The following DLG2 variants were observed in gnomAD, a reference collection of about 807,000 sequenced individuals.
DLG2 encodes the protein discs large MAGUK scaffold protein 2.
A neutral mutation model predicts 132.5 loss-of-function variants in DLG2; 45 were observed. The ratio of observed to expected loss-of-function variants is 0.34; its 90% CI spans 0.27 to 0.44. The LOEUF is 0.44. Among genes scored for constraint, DLG2 ranks in the 20% least tolerant of loss-of-function variants. The pLI is 1.00. For synonymous variants in DLG2, 424 were observed against 419.6 expected (o/e 1.01, Z -0.13); for missense variants, 1,045 against 1,196.9 (o/e 0.87, Z 1.87).
chr11:85,012,029 A>G (rs1160228994), intron 6 of DLG2, among the ~76,000 whole-genome samples: 1 of 152,180 alleles, frequency 6.6e-6, no homozygotes, highest in Non-Finnish European at 1.5e-5. Flanking sequence ...AGATCATTAA[A>G]ATACAATGTG....
intron 6 of DLG2, among the ~76,000 whole-genome samples, chr11:84,590,761 G>A (rs916356573): frequency 6.6e-6 from 1 of 152,198 alleles, no homozygotes; most frequent in East Asian, 1.9e-4. Context: ...ATATAGCTGT[G>A]AATAATGCAG....
chr11:85,071,708 A>C (rs1268378007), intron 6 of DLG2, among the ~76,000 whole-genome samples: 1 of 151,824 alleles, frequency 6.6e-6, no homozygotes, highest in Non-Finnish European at 1.5e-5. Flanking sequence ...TATCTTGAAA[A>C]AAATCAGGCA....
chr11:84,896,319 C>G (rs940387505), intron 6 of DLG2, among the ~76,000 whole-genome samples: 1 of 151,968 alleles, frequency 6.6e-6, no homozygotes, highest in African/African-American at 2.4e-5. Flanking sequence ...ATTTAGTGAA[C>G]CACCTACATG....
chr11:84,992,914 C>G (rs1476077652), intron 6 of DLG2, among the ~76,000 whole-genome samples: 1 of 152,138 alleles, frequency 6.6e-6, no homozygotes, highest in Non-Finnish European at 1.5e-5. Flanking sequence ...ACTCAGCAAT[C>G]CCATTACTAG....
At chr11:84,173,202 C>T (rs898345619) in intron 8 of DLG2, among the ~76,000 whole-genome samples, 2 of 152,204 alleles carry the variant, frequency 1.3e-5, no homozygotes, top group African/African-American at 4.8e-5. Flanking sequence ...AGTCCATTTT[C>T]TCTCAGCTTT....
intron 6 of DLG2, among the ~76,000 whole-genome samples, chr11:84,820,402 G>C (rs1191309724): frequency 6.6e-6 from 1 of 151,770 alleles, no homozygotes; most frequent in Non-Finnish European, 1.5e-5. Context: ...ATTGCTGCTG[G>C]AGTGCTTTTG....
At chr11:85,368,115 G>C (rs1206484977) in intron 3 of DLG2, among the ~76,000 whole-genome samples, 1 of 152,140 alleles carries the variant, frequency 6.6e-6, no homozygotes, top group African/African-American at 2.4e-5. Context: ...AACCCTACCT[G>C]AGTTTGTTTC....
intron 6 of DLG2, among the ~76,000 whole-genome samples, chr11:85,006,565 T>G (rs1048157580): frequency 3.3e-5 from 5 of 152,220 alleles, no homozygotes; most frequent in African/African-American, 1.2e-4. Context: ...GTGAGATCAG[T>G]GGTGATGTCC....
At chr11:84,354,102 G>A (rs978976016) in intron 7 of DLG2, among the ~76,000 whole-genome samples, 1 of 152,078 alleles carries the variant, frequency 6.6e-6, no homozygotes, top group Non-Finnish European at 1.5e-5. Flanking sequence ...AATTAATGAA[G>A]GTGTTGATTT....
chr11:83,467,778 TATATATATA>T (rs2091344190), intron 25 of DLG2, among the ~76,000 whole-genome samples: 1 of 44,994 alleles, frequency 2.2e-5, no homozygotes, highest in African/African-American at 1.5e-4. Context: ...TATGTATATA[TATATATATA>T]TATATATATA....
chr11:85,053,126 A>G (rs2063066074), intron 6 of DLG2, among the ~76,000 whole-genome samples: 1 of 152,174 alleles, frequency 6.6e-6, no homozygotes, highest in Admixed American at 6.5e-5. Flanking sequence ...ATCGACTATA[A>G]GGAAGGCACT....
intron 6 of DLG2, among the ~76,000 whole-genome samples, chr11:84,857,100 A>C (rs1180088982): frequency 1.3e-5 from 2 of 151,576 alleles, no homozygotes; most frequent in Non-Finnish European, 2.9e-5. Context: ...CCAAATAAAA[A>C]TACCAACTTT....
rs189316775 is a variant in DLG2, at chr11:84,728,192, T to A, written c.358-193461A>T. Among the ~76,000 whole-genome samples, 75 of 152,278 alleles carry A rather than the reference T, an allele frequency of 4.9e-4. No individual in the cohort carries two copies. The East Asian group carries it at 0.012, about 25-fold the overall frequency. ...CAATTTTCAAAGGGAATGCTTCCAG[T>A]TTTTGCCCATTTAGTATGATATTGG... On this transcript the variant is annotated intron_variant, in intron 6 of 27. Transcript: ENST00000376104.
At chr11:83,714,140 T>C (rs1234944347) in intron 18 of DLG2, among the ~76,000 whole-genome samples, 2 of 152,092 alleles carry the variant, frequency 1.3e-5, no homozygotes, top group Non-Finnish European at 2.9e-5. Context: ...ATGTTAAGAA[T>C]AGAAACTACA....
intron 6 of DLG2, among the ~76,000 whole-genome samples, chr11:84,636,850 T>C (rs1439798322): frequency 6.6e-6 from 1 of 151,960 alleles, no homozygotes; most frequent in Non-Finnish European, 1.5e-5. Context: ...GGCACGATTT[T>C]GGCACACCAC....
chr11:85,564,101 T>G (rs907040049), intron 3 of DLG2, among the ~76,000 whole-genome samples: 1 of 152,040 alleles, frequency 6.6e-6, no homozygotes, highest in Non-Finnish European at 1.5e-5. Context: ...TTTCAAAAAG[T>G]TTTTTCCATT....
chr11:84,236,543 A>G (rs553074694), intron 8 of DLG2, among the ~76,000 whole-genome samples: 6 of 152,340 alleles, frequency 3.9e-5, no homozygotes, highest in African/African-American at 1.4e-4. Flanking sequence ...AATAAACCCA[A>G]TTACAACTCA....
chr11:85,169,818 G>C (rs1346759283), intron 4 of DLG2, among the ~76,000 whole-genome samples: 1 of 152,112 alleles, frequency 6.6e-6, no homozygotes, highest in Non-Finnish European at 1.5e-5. Flanking sequence ...CCTGTGCTTG[G>C]GAAGAGACAC....
chr11:84,686,906 G>C (rs2153718096), intron 6 of DLG2: 1 of 152,192 alleles, frequency 6.6e-6, no homozygotes, highest in Admixed American at 6.5e-5. Context: ...TGCTGAACAG[G>C]CCTGCAGTGG....
Sources: gnomAD v4.1 joint callset for allele counts (sites outside exome capture counted in the v4.1 genomes callset) on GRCh38, gnomAD v4.1.1 for gene constraint, MANE v1.5 for transcripts, NCBI Gene and HGNC (gene_info 2026-07-23, HGNC 2026-07-21) for gene names.